The following C3orf52 variants were observed in gnomAD, a reference collection of about 807,000 sequenced individuals.
C3orf52 encodes TPA-induced transmembrane protein.
A neutral mutation model predicts 24.8 loss-of-function variants in C3orf52; 22 were observed. The observed-to-expected ratio is 0.89, with a 90% confidence interval of 0.63 to 1.27. The LOEUF is 1.27. Ranked by LOEUF, C3orf52 falls within the 50% of genes most tolerant of loss-of-function variation. The pLI is 0.00. For missense variants in C3orf52, 265 were observed against 260.7 expected, an observed-to-expected ratio of 1.02 and a Z score of -0.11; for synonymous variants, 93 against 100.2, an observed-to-expected ratio of 0.93 and a Z score of 0.43.
chr3:112,128,296 G>A (rs2074376228), exon 5 of C3orf52: 1 of 665,112 alleles, frequency 1.5e-6, no homozygotes. Context: ...TCCCAGCAAA[G>A]GAAAAATGTT....
At chr3:112,132,445 T>G (rs1393769368), downstream of C3orf52, among the ~76,000 whole-genome samples, 1 of 152,134 alleles carries the variant, frequency 6.6e-6, no homozygotes, top group East Asian at 1.9e-4. Flanking sequence ...AAGATGATGG[T>G]CAGAAAAAGA....
chr3:112,103,361 C>T (rs2073993207), intron 3 of C3orf52, among the ~76,000 whole-genome samples: 1 of 152,078 alleles, frequency 6.6e-6, no homozygotes, highest in Admixed American at 6.6e-5. Context: ...TTCTCCTGAG[C>T]CTAAAATAAA....
At chr3:112,107,210 A>T (rs955843440) in intron 3 of C3orf52, among the ~76,000 whole-genome samples, 1 of 151,026 alleles carries the variant, frequency 6.6e-6, no homozygotes, top group African/African-American at 2.5e-5. Flanking sequence ...AAGATTAATA[A>T]AGGAAAGAAG....
chr3:112,124,120 C>A (rs2074257282), intron 4 of C3orf52, among the ~76,000 whole-genome samples: 1 of 152,176 alleles, frequency 6.6e-6, no homozygotes, highest in Non-Finnish European at 1.5e-5. Flanking sequence ...GTTATGGGAG[C>A]AGATTTCTCA....
At chr3:112,091,329 TA>T (rs1361930062) in intron 1 of C3orf52, among the ~76,000 whole-genome samples, 1 of 152,212 alleles carries the variant, frequency 6.6e-6, no homozygotes, top group African/African-American at 2.4e-5. Flanking sequence ...CGCAGGAAGA[TA>T]AGGCCAGGCT....
intron 4 of C3orf52, chr3:112,112,699 C>G (rs1450539910): frequency 2.2e-6 from 1 of 456,678 alleles, no homozygotes; most frequent in Non-Finnish European, 4.1e-6. Context: ...ACCTCTACCT[C>G]TACCTCTGAT....
intron 3 of C3orf52, among the ~76,000 whole-genome samples, chr3:112,105,538 C>T (rs2074015197): frequency 2.1e-5 from 1 of 48,322 alleles, no homozygotes. Flanking sequence ...ACTTCTTTGG[C>T]CGTGTGTGTG....
At chr3:112,125,359 G>T in intron 4 of C3orf52, 2 of 780,312 alleles carry the variant, frequency 2.6e-6, no homozygotes, top group South Asian at 2.9e-5. Context: ...AGAAACAGCT[G>T]GGGTAGCTCT....
intron 4 of C3orf52, chr3:112,127,063 T>C (rs1188252080): frequency 3.5e-6 from 5 of 1,425,484 alleles, no homozygotes; most frequent in Middle Eastern, 1.8e-4. Context: ...CAAATTGTTT[T>C]AATATTCAGA....
exon 5 of C3orf52, chr3:112,128,320 T>C: frequency 1.6e-6 from 1 of 629,054 alleles, no homozygotes; most frequent in Non-Finnish European, 2.9e-6. Context: ...TCACTCTCAA[T>C]TCTGGTAATT....
At chr3:112,123,482 A>T (rs2074238230) in intron 4 of C3orf52, 1 of 1,613,978 alleles carries the variant, frequency 6.2e-7, no homozygotes, top group African/African-American at 1.3e-5. Flanking sequence ...GAGTCTCAGA[A>T]GGGGCCATAA....
chr3:112,106,935 A>G (rs542941210), intron 3 of C3orf52, among the ~76,000 whole-genome samples: 1 of 152,260 alleles, frequency 6.6e-6, no homozygotes, highest in South Asian at 2.1e-4. Flanking sequence ...AGTTTGCACC[A>G]AGCCTCATAG....
rs868263352 is a variant in C3orf52, at chr3:112,101,744, A to C, written c.269-1094A>C. Among the ~76,000 whole-genome samples the C allele has an allele frequency of 2.7e-4, 41 of 152,206 alleles. 1 individual carries two copies. In the Middle Eastern group the frequency reaches 0.017, roughly 63 times the overall value. On this transcript the variant is annotated intron_variant, in intron 2 of 5. Coordinates refer to ENST00000264848, the MANE Select transcript of C3orf52 (RefSeq NM_024616.3). ...TTTTACCTGTCCTTCCATCTCAAAC[A>C]CTGAATTTATTCCACTATGGTCTTA... is the stretch of plus-strand genomic sequence containing the variant.
At chr3:112,087,278 T>A (rs1031451088) in intron 1 of C3orf52, among the ~76,000 whole-genome samples, 1 of 152,154 alleles carries the variant, frequency 6.6e-6, no homozygotes, top group Non-Finnish European at 1.5e-5. Flanking sequence ...TGCTTTTACC[T>A]CCTCTCAATC....
Position 112,102,919 on chromosome 3 carries a change from A to G in C3orf52, c.350A>G (p.Glu117Gly). 1 of 1,611,632 alleles carries G rather than the reference A, an allele frequency of 6.2e-7. No individual in the cohort carries two copies. Among genetic ancestry groups the G allele is most frequent in the South Asian group, 1.1e-5 (1 of 90,270 alleles). ...KTFFIMLKIP[E>G]ECVAEEELPH... ...TTCTTCATCATGCTGAAGATTCCAGAGGAGTGTGTTGCTGAAGAGGAATTG... is the reference window on the plus strand; with the variant it reads ...TTCTTCATCATGCTGAAGATTCCAGGGGAGTGTGTTGCTGAAGAGGAATTG... The change falls in exon 3 of 6, where the codon GAG (glutamate) becomes GGG (glycine). Residue 117 changes from glutamate to glycine, a missense_variant. Coordinates refer to ENST00000264848, the MANE Select transcript of C3orf52 (RefSeq NM_024616.3).
chr3:112,128,154 T>G, intron 4 of C3orf52: 1 of 1,108,546 alleles, frequency 9.0e-7, no homozygotes, highest in Non-Finnish European at 1.4e-6. Flanking sequence ...TGTGGAAAAC[T>G]TTTTTTCTCC....
At chr3:112,132,620 A>G, downstream of C3orf52, 2 of 984,210 alleles carry the variant, frequency 2.0e-6, no homozygotes, top group Non-Finnish European at 2.4e-6. Flanking sequence ...TATTTAATCT[A>G]GATGACCTCT....
intron 2 of C3orf52, among the ~76,000 whole-genome samples, chr3:112,101,393 T>C (rs982132564): frequency 3.3e-5 from 5 of 152,204 alleles, no homozygotes; most frequent in Non-Finnish European, 7.3e-5. Context: ...GGGAAGCTTA[T>C]TGGAGATTCA....
intron 4 of C3orf52, among the ~76,000 whole-genome samples, chr3:112,124,990 T>C (rs1576161551): frequency 6.6e-6 from 1 of 152,348 alleles, no homozygotes; most frequent in East Asian, 1.9e-4. Context: ...ATGTTGTCTG[T>C]CATAAATGAA....
Sources: gnomAD v4.1 joint callset for allele counts (sites outside exome capture counted in the v4.1 genomes callset) on GRCh38, gnomAD v4.1.1 for gene constraint, MANE v1.5 for transcripts, NCBI Gene and HGNC (gene_info 2026-07-23, HGNC 2026-07-21) for gene names.